Variants in IL13RA1 observed in about 807,000 individuals in gnomAD.
IL13RA1 encodes interleukin-13 receptor subunit alpha-1.
Under a neutral mutation model 33.8 loss-of-function variants are expected in IL13RA1, and 14 were observed. The observed-to-expected ratio is 0.41, with a 90% CI of 0.27 to 0.65. IL13RA1 has a LOEUF of 0.65. Ranked by LOEUF, IL13RA1 falls within the 30% of genes least tolerant of loss-of-function variation. The pLI is 0.28. For missense variants in IL13RA1, 313 were observed against 327.0 expected (o/e 0.96, Z 0.33); for synonymous variants, 116 against 115.7 (o/e 1.00, Z -0.02).
intron 1 of IL13RA1, among the ~76,000 whole-genome samples, chrX:118,731,692 A>G (rs1240414396): frequency 1.8e-5 from 2 of 112,381 alleles, no homozygotes; most frequent in East Asian, 5.6e-4. Context: ...CATTGCTTGT[A>G]TTAACTCATT....
chrX:118,729,239 A>G (rs1375690689), intron 1 of IL13RA1, among the ~76,000 whole-genome samples: 1 of 111,646 alleles, frequency 9.0e-6, no homozygotes, highest in East Asian at 2.8e-4. Context: ...ACTCCCACAC[A>G]CACCTGAAAC....
the IL13RA1 span, among the ~76,000 whole-genome samples, chrX:118,800,926 A>G: frequency 9.0e-6 from 1 of 111,442 alleles, no homozygotes; most frequent in Non-Finnish European, 1.9e-5. Context: ...AGCTGGGACT[A>G]CAGGCACTTG....
chrX:118,797,980 A>T (rs180681209), downstream of IL13RA1, among the ~76,000 whole-genome samples: 26 of 112,094 alleles, frequency 2.3e-4, no homozygotes, highest in African/African-American at 8.4e-4. Flanking sequence ...TGACCTACAG[A>T]AGTGTGATAT....
At chrX:118,730,411 G>A (rs895344579) in intron 1 of IL13RA1, among the ~76,000 whole-genome samples, 2 of 112,189 alleles carry the variant, frequency 1.8e-5, no homozygotes, top group African/African-American at 6.5e-5. Context: ...CTGACGGTTG[G>A]TAGTGTTATG....
At chrX:118,759,334 C>T (rs1358665308) in intron 5 of IL13RA1, among the ~76,000 whole-genome samples, 2 of 112,478 alleles carry the variant, frequency 1.8e-5, no homozygotes, top group Non-Finnish European at 3.8e-5. Flanking sequence ...GTCCAAATGA[C>T]ATAAAGCGTA....
At chrX:118,800,835 G>C in the IL13RA1 span, among the ~76,000 whole-genome samples, 1 of 111,490 alleles carries the variant, frequency 9.0e-6, no homozygotes, top group Non-Finnish European at 1.9e-5. Flanking sequence ...CATGCAGGCT[G>C]GAGTGCAGTA....
chrX:118,728,591 G>C (rs764389150), intron 1 of IL13RA1, among the ~76,000 whole-genome samples: 1 of 112,037 alleles, frequency 8.9e-6, no homozygotes, highest in Non-Finnish European at 1.9e-5. Flanking sequence ...GACAATGAAA[G>C]CCCCAAACTG....
chrX:118,782,801 C>T (rs1352643304), intron 10 of IL13RA1, among the ~76,000 whole-genome samples: 2 of 107,344 alleles, frequency 1.9e-5, no homozygotes, highest in African/African-American at 6.8e-5. Context: ...GGGCTTTTGC[C>T]ATGTTGCCCA....
At chrX:118,751,391 A>G (rs1304494736) in intron 4 of IL13RA1, among the ~76,000 whole-genome samples, 1 of 112,137 alleles carries the variant, frequency 8.9e-6, no homozygotes, top group African/African-American at 3.2e-5. Context: ...AGCTCAAAAT[A>G]TAGAGGAGAA....
At chrX:118,775,110 G>A (rs1353314247) in intron 9 of IL13RA1, among the ~76,000 whole-genome samples, 1 of 111,322 alleles carries the variant, frequency 9.0e-6, no homozygotes, top group Non-Finnish European at 1.9e-5. Context: ...GGTGATAGGA[G>A]GTGCATTTTA....
At chrX:118,784,125 A>ATACG (rs1303198539) in intron 10 of IL13RA1, among the ~76,000 whole-genome samples, 580 of 22,498 alleles carry the variant, frequency 0.026, 41 homozygotes, top group East Asian at 0.24. Context: ...ATATGTATAT[A>ATACG]TATGTATATA....
In IL13RA1 at chrX:118,792,971, A is replaced by T. The variant is rs140855715; in HGVS notation, c.*1117A>T. ...CTAGGCCCCCGGGTGTGAAGCACAG[A>T]CCCCTTCCAGGGGTTTACAGTCTAT... On this transcript the variant is annotated 3_prime_UTR_variant, in exon 11 of 11. Transcript: ENST00000371666. The T allele has an allele frequency of 2.7e-5, 3 of 109,763 alleles. No individual in the cohort carries two copies. The highest frequency in any genetic ancestry group is 1.0e-4 in the African/African-American group (3 of 30,113). The allele number at this position is 109,763 out of a possible 1,213,427, so 9.0% of individuals were successfully genotyped here.
chrX:118,740,638 C>T (rs1603208053), intron 1 of IL13RA1, among the ~76,000 whole-genome samples: 1 of 111,832 alleles, frequency 8.9e-6, no homozygotes, highest in Non-Finnish European at 1.9e-5. Flanking sequence ...ACTAAAATTA[C>T]AAAAATTAGC....
At chrX:118,754,933 CTTTCTTTTTTTTTTT>C (rs1343372849) in intron 4 of IL13RA1, among the ~76,000 whole-genome samples, 37 of 100,554 alleles carry the variant, frequency 3.7e-4, no homozygotes, top group Admixed American at 1.4e-3. Flanking sequence ...AATACGGAGT[CTTTCTTTTTTTTTTT>C]TTTCTTTTTT....
chrX:118,743,302 A>G (rs957382603), intron 2 of IL13RA1, among the ~76,000 whole-genome samples: 4 of 112,114 alleles, frequency 3.6e-5, no homozygotes, highest in African/African-American at 1.3e-4. Context: ...TAGTTTGTAC[A>G]TTAGGGGGCT....
chrX:118,775,020 C>A (rs1364319215), intron 9 of IL13RA1, among the ~76,000 whole-genome samples: 3 of 110,188 alleles, frequency 2.7e-5, no homozygotes, highest in Non-Finnish European at 3.8e-5. Flanking sequence ...CATGCACATA[C>A]ACACACACAC....
At position 118,744,556 on chromosome X, in the gene IL13RA1, C is replaced by T. The variant is rs988395612; in HGVS notation, c.229-2398C>T. On this transcript the variant is annotated intron_variant, in intron 2 of 10. Coordinates refer to ENST00000371666, the MANE Select transcript of IL13RA1 (RefSeq NM_001560.3). Reference sequence around the variant, plus strand: ...CTGGAACTACAGGTGCATGCCACCACGACCAGCTAATTTTTTTTGTATTTT... The same window carrying T: ...CTGGAACTACAGGTGCATGCCACCATGACCAGCTAATTTTTTTTGTATTTT... Among the ~76,000 whole-genome samples the T allele has an allele frequency of 2.7e-5, 3 of 110,850 alleles. No homozygotes were observed. The South Asian group carries it at 1.1e-3, about 42-fold the overall frequency.
intron 4 of IL13RA1, among the ~76,000 whole-genome samples, chrX:118,753,430 T>A (rs948336353): frequency 2.7e-5 from 3 of 112,843 alleles, no homozygotes; most frequent in South Asian, 3.6e-4. Context: ...AGTTGATGTC[T>A]TTTTGCAGGG....
At chrX:118,746,135 AT>A (rs35565472) in intron 2 of IL13RA1, among the ~76,000 whole-genome samples, 8 of 107,084 alleles carry the variant, frequency 7.5e-5, no homozygotes, top group Admixed American at 2.0e-4. Flanking sequence ...TGATTACTGG[AT>A]TTTTTTTTTG....
Sources: gnomAD v4.1 joint callset for allele counts (sites outside exome capture counted in the v4.1 genomes callset) on GRCh38, gnomAD v4.1.1 for gene constraint, MANE v1.5 for transcripts, NCBI Gene and HGNC (gene_info 2026-07-23, HGNC 2026-07-21) for gene names.